PTPRG: variants seen among roughly 807,000 people sequenced by gnomAD.
PTPRG encodes receptor-type tyrosine-protein phosphatase gamma.
Under a neutral mutation model 165.3 loss-of-function variants are expected in PTPRG, and 102 were observed. The observed-to-expected ratio is 0.62, with a 90% CI of 0.53 to 0.73. The LOEUF (loss-of-function observed/expected upper bound fraction) is 0.73, where lower values mean the gene tolerates loss of function less well. Ranked by LOEUF, PTPRG falls within the 30% of genes least tolerant of loss-of-function variation. The pLI, the probability that PTPRG is intolerant of heterozygous loss-of-function variation, is 0.00. For synonymous variants in PTPRG, 675 were observed against 669.5 expected (o/e 1.01, Z -0.13); for missense variants, 1,866 against 1,861.4 (o/e 1.00, Z -0.05).
chr3:61,708,715 C>T (rs992045927), intron 1 of PTPRG, among the ~76,000 whole-genome samples: 2 of 152,088 alleles, frequency 1.3e-5, no homozygotes, highest in Non-Finnish European at 2.9e-5. Flanking sequence ...CCTCGGCCTC[C>T]CAAGGTGCTG....
chr3:61,578,300 T>C (rs1700212362), intron 1 of PTPRG, among the ~76,000 whole-genome samples: 2 of 152,234 alleles, frequency 1.3e-5, no homozygotes, highest in African/African-American at 4.8e-5. Context: ...GGAAGCTTCT[T>C]GACAGACTGA....
At chr3:61,579,404 A>G (rs944644112) in intron 1 of PTPRG, among the ~76,000 whole-genome samples, 1 of 152,202 alleles carries the variant, frequency 6.6e-6, no homozygotes, top group East Asian at 1.9e-4. Context: ...TTCTGCTGCT[A>G]TTCCGACACG....
intron 1 of PTPRG, among the ~76,000 whole-genome samples, chr3:61,569,137 A>C (rs964228703): frequency 1.3e-5 from 2 of 152,176 alleles, no homozygotes; most frequent in Admixed American, 6.5e-5. Flanking sequence ...TTTTGTCAGC[A>C]TGTAGCAGGA....
chr3:62,064,119 T>C (rs1700916618), intron 4 of PTPRG, among the ~76,000 whole-genome samples: 1 of 132,806 alleles, frequency 7.5e-6, no homozygotes, highest in African/African-American at 2.5e-5. Context: ...TTTCTGCTCA[T>C]TTCAAGGGAG....
At chr3:62,058,189 C>T (rs1332960242) in intron 4 of PTPRG, among the ~76,000 whole-genome samples, 2 of 152,150 alleles carry the variant, frequency 1.3e-5, no homozygotes, top group African/African-American at 4.8e-5. Flanking sequence ...ATTGTGTGTA[C>T]CTAGCCCAAG....
intron 8 of PTPRG, among the ~76,000 whole-genome samples, chr3:62,180,989 A>G (rs1350345852): frequency 6.6e-6 from 1 of 152,130 alleles, no homozygotes; most frequent in African/African-American, 2.4e-5. Flanking sequence ...CAGTTTTCAA[A>G]TTTGCTTTCT....
chr3:62,267,572 G>A (rs1701922324), intron 18 of PTPRG, 80 bp downstream of exon 18: 8 of 1,523,736 alleles, frequency 5.3e-6, no homozygotes, highest in Admixed American at 3.8e-5. Context: ...TTTTAATACT[G>A]TACAGAGCTT....
chr3:61,575,740 C>CAG (rs1700162077), intron 1 of PTPRG, among the ~76,000 whole-genome samples: 1 of 151,676 alleles, frequency 6.6e-6, no homozygotes, highest in Non-Finnish European at 1.5e-5. Context: ...GCTGGAATTA[C>CAG]AGGCGCATGC....
chr3:62,277,153 T>C, intron 25 of PTPRG, 105 bp downstream of exon 25: 3 of 858,414 alleles, frequency 3.5e-6, no homozygotes, highest in Non-Finnish European at 5.5e-6. Context: ...AATTTCTCAA[T>C]GTGTAATATG....
At chr3:62,266,057 G>GTGTT (rs1410311188) in intron 17 of PTPRG, among the ~76,000 whole-genome samples, 4 of 152,138 alleles carry the variant, frequency 2.6e-5, no homozygotes, top group Non-Finnish European at 5.9e-5. Context: ...AAAGGTCATG[G>GTGTT]TGTTTTGCTA....
chr3:61,672,768 GGAGAGGGA>G lies in PTPRG; in HGVS notation c.86-76096_86-76089del, dbSNP rs1372356044. 1.4e-3 allele frequency among the ~76,000 whole-genome samples: 194 copies of G among 143,110 alleles called. 1 individual carries two copies. The highest frequency in any genetic ancestry group is 4.5e-3 in the African/African-American group (167 of 37,060). The allele number at this position is 143,110 out of a possible 152,430, so 93.9% of individuals were successfully genotyped here. ...AGAGGGAGAGGGAGAGGGAGAAGAG[GGAGAGGGA>G]GAGAGGGAGAGAGAGGGAGAGAGGG... On this transcript the variant is annotated intron_variant, in intron 1 of 29. Coordinates refer to ENST00000474889, the MANE Select transcript of PTPRG (RefSeq NM_002841.4).
intron 5 of PTPRG, among the ~76,000 whole-genome samples, chr3:62,114,695 G>A (rs1049404006): frequency 6.6e-6 from 1 of 152,130 alleles, no homozygotes; most frequent in Admixed American, 6.5e-5. Context: ...TGAGGCTAGA[G>A]TGCATTTAGT....
intron 5 of PTPRG, among the ~76,000 whole-genome samples, chr3:62,079,274 T>A (rs1701490055): frequency 6.6e-6 from 1 of 152,174 alleles, no homozygotes; most frequent in Non-Finnish European, 1.5e-5. Flanking sequence ...AGATAAAGGC[T>A]CAAATGAGAG....
intron 1 of PTPRG, among the ~76,000 whole-genome samples, chr3:61,631,023 T>C (rs1284447444): frequency 6.6e-6 from 1 of 151,370 alleles, no homozygotes; most frequent in Non-Finnish European, 1.5e-5. Flanking sequence ...GCGACTGCAC[T>C]CCAGCCTGGG....
chr3:61,779,017 T>C (rs1404267933), intron 2 of PTPRG, among the ~76,000 whole-genome samples: 2 of 151,816 alleles, frequency 1.3e-5, no homozygotes, highest in Non-Finnish European at 2.9e-5. Context: ...GACAATAAAA[T>C]CCTAAGGATG....
At chr3:61,565,300 A>C (rs1397988031) in intron 1 of PTPRG, among the ~76,000 whole-genome samples, 1 of 152,204 alleles carries the variant, frequency 6.6e-6, no homozygotes, top group Non-Finnish European at 1.5e-5. Flanking sequence ...TGCAAAGCTA[A>C]GAGTGTTACC....
chr3:61,932,539 G>A (rs1471625496), intron 2 of PTPRG, among the ~76,000 whole-genome samples: 1 of 152,186 alleles, frequency 6.6e-6, no homozygotes, highest in Non-Finnish European at 1.5e-5. Context: ...CACTTGCTGA[G>A]TTCTTACTGT....
chr3:61,674,446 C>T (rs1036481693), intron 1 of PTPRG, among the ~76,000 whole-genome samples: 8 of 148,122 alleles, frequency 5.4e-5, no homozygotes, highest in Admixed American at 3.4e-4. Flanking sequence ...GAGATCGCCC[C>T]ACTGCCCTCC....
intron 1 of PTPRG, among the ~76,000 whole-genome samples, chr3:61,610,055 G>A (rs1412739162): frequency 6.7e-6 from 1 of 148,850 alleles, no homozygotes; most frequent in East Asian, 2.0e-4. Context: ...GGCATGTGAT[G>A]TAAGGAGTAT....
Sources: allele counts gnomAD v4.1 joint callset (sites outside exome capture counted in the v4.1 genomes callset), GRCh38; gene constraint gnomAD v4.1.1; transcripts MANE v1.5; gene names NCBI Gene and HGNC (gene_info 2026-07-23, HGNC 2026-07-21).